PHF19: variants seen among roughly 807,000 people sequenced by gnomAD.
PHF19 encodes the protein PHD finger protein 19.
PHF19 carries 21 observed loss-of-function variants against 79.8 expected under a neutral mutation model. The ratio of observed to expected loss-of-function variants is 0.26; its 90% CI spans 0.19 to 0.38. PHF19 has a LOEUF of 0.38. Ranked by LOEUF, PHF19 falls within the 10% of genes least tolerant of loss-of-function variation. The probability of loss-of-function intolerance (pLI) is 1.00; values close to 1 mark genes in which losing one functional copy is unlikely to be tolerated. For synonymous variants in PHF19, 273 were observed against 296.3 expected (o/e 0.92, Z 0.81); for missense variants, 445 against 744.2 (o/e 0.60, Z 4.68).
At chr9:120,868,007 G>A (rs775014761) in intron 6 of PHF19, among the ~76,000 whole-genome samples, 6 of 152,116 alleles carry the variant, frequency 3.9e-5, no homozygotes, top group Non-Finnish European at 7.4e-5. Flanking sequence ...CAGTGGCCCC[G>A]ACATAGCATG....
At chr9:120,864,193 C>G (rs1178630894) in intron 9 of PHF19, 77 bp from the exon 10 acceptor site, 3 of 1,173,490 alleles carry the variant, frequency 2.6e-6, no homozygotes, top group Non-Finnish European at 2.5e-6. Flanking sequence ...TACTCCCTCC[C>G]TTCCATCTCC....
chr9:120,870,305 G>A lies in PHF19; in HGVS notation c.364+138C>T, dbSNP rs140306501. ...CCCAAGCCCTCACTTACAGCAACTG[G>A]CCCCCTTTCACCCTGCAGTGCCAAG... On this transcript the variant is annotated intron_variant, in intron 4 of 14. Coordinates refer to ENST00000373896, the MANE Select transcript of PHF19 (RefSeq NM_015651.3). The surrounding 1 kb of genome is among the most constrained non-coding windows in gnomAD (Gnocchi z 4.4). 4.7e-5 allele frequency: 32 copies of A among 678,208 alleles called. No individual in the cohort carries two copies. In the African/African-American group the frequency reaches 5.2e-4, roughly 11 times the overall value. 42.0% of individuals were successfully genotyped at this position (678,208 alleles called of 1,614,324 possible). A position where few individuals can be genotyped will look rare whatever the true frequency, so the allele number is the denominator to read the frequency against.
At chr9:120,896,688 C>T (rs1381112690), upstream of PHF19, among the ~76,000 whole-genome samples, 2 of 151,862 alleles carry the variant, frequency 1.3e-5, no homozygotes, top group Non-Finnish European at 2.9e-5. Flanking sequence ...CTCCTGACCT[C>T]GTGATCCGCC....
upstream of PHF19, chr9:120,877,291 A>G: frequency 1.1e-6 from 1 of 951,542 alleles, no homozygotes; most frequent in Non-Finnish European, 1.2e-6. Context: ...CGGGGCGCTC[A>G]GGAAGGGGCC....
Position 120,890,141 on chromosome 9 carries a change from G to T in PHF19, c.42+4647C>A, listed in dbSNP as rs139131161. Among the ~76,000 whole-genome samples, 1,116 of 152,328 alleles carry T rather than the reference G, an allele frequency of 7.3e-3. 12 individuals are homozygous for T. Among genetic ancestry groups the T allele is most frequent in the African/African-American group, 0.026 (1,062 of 41,578 alleles). Reference sequence around the variant, plus strand: ...CCCAGTAAATGTCCCATAAGTGTTTGCTGAGTGAATAGATAAACAAGTGAT... The same window carrying T: ...CCCAGTAAATGTCCCATAAGTGTTTTCTGAGTGAATAGATAAACAAGTGAT... On this transcript the variant is annotated intron_variant, in intron 1 of 14. Transcript: ENST00000616568.
At chr9:120,886,874 C>T (rs1192743640) in intron 1 of PHF19, among the ~76,000 whole-genome samples, 1 of 152,102 alleles carries the variant, frequency 6.6e-6, no homozygotes, top group Non-Finnish European at 1.5e-5. Context: ...TCGAGACCAG[C>T]CTGGCCAGTA....
Position 120,869,528 on chromosome 9 carries a change from C to G in PHF19, c.466-198G>C. On this transcript the variant is annotated intron_variant, in intron 5 of 14. Transcript: ENST00000373896. The surrounding 1 kb of genome is among the most constrained non-coding windows in gnomAD (Gnocchi z 5.8). ...ATCCCAGAAGGAACTCCGTTGATAA[C>G]AGAATTAAGAGTAATAAGCGCAATA... The G allele has an allele frequency of 7.1e-7, 1 of 1,403,898 alleles. No individual in the cohort carries two copies. The highest frequency in any genetic ancestry group is 9.4e-7 in the Non-Finnish European group (1 of 1,066,714). The allele number at this position is 1,403,898 out of a possible 1,614,324, so 87.0% of individuals were successfully genotyped here.
intron 12 of PHF19, among the ~76,000 whole-genome samples, 175 bp from the exon 13 acceptor site, chr9:120,861,349 C>T (rs2045518815): frequency 1.3e-5 from 2 of 152,230 alleles, no homozygotes; most frequent in Non-Finnish European, 2.9e-5. Context: ...AGTTCTAGCC[C>T]TGCCTTTGTC....
In PHF19 at chr9:120,857,867, T is replaced by C; in HGVS notation, c.*77A>G. 1 of 846,746 alleles carries C rather than the reference T, an allele frequency of 1.2e-6. No homozygotes were observed. Among genetic ancestry groups the C allele is most frequent in the Non-Finnish European group, 1.8e-6 (1 of 551,588 alleles). 52.5% of individuals were successfully genotyped at this position (846,746 alleles called of 1,614,324 possible). A position where few individuals can be genotyped will look rare whatever the true frequency, so the allele number is the denominator to read the frequency against. ...CCTGCTTCCTTCTCCCACCCCAGCCTGGAGAAAGCTGGGGAGCCTATGGCT... is the reference window on the plus strand; with the variant it reads ...CCTGCTTCCTTCTCCCACCCCAGCCCGGAGAAAGCTGGGGAGCCTATGGCT... On this transcript the variant is annotated 3_prime_UTR_variant, in exon 15 of 15. Transcript: ENST00000373896.
chr9:120,877,418 C>G (rs1338197665), upstream of PHF19: 1 of 948,280 alleles, frequency 1.1e-6, no homozygotes, highest in Non-Finnish European at 1.3e-6. Flanking sequence ...CGCCGGGCTC[C>G]GCAGCGCCGC....
chr9:120,895,026 G>T (rs200573009), upstream of PHF19: 84 of 370,818 alleles, frequency 2.3e-4, 1 homozygote, highest in East Asian at 3.3e-3. Context: ...CCCAGTCCCA[G>T]ATCCCCGACT....
chr9:120,867,321 G>C (rs535191200), intron 6 of PHF19, among the ~76,000 whole-genome samples: 1 of 152,342 alleles, frequency 6.6e-6, no homozygotes, highest in Admixed American at 6.5e-5. Context: ...TTCTGGACTT[G>C]CTGCTTCCCA....
upstream of PHF19, among the ~76,000 whole-genome samples, chr9:120,898,681 CT>C (rs1341948647): frequency 1.3e-5 from 2 of 152,222 alleles, no homozygotes; most frequent in Non-Finnish European, 2.9e-5. Context: ...GGGTTTGAAC[CT>C]GGCATAAACT....
intron 1 of PHF19, among the ~76,000 whole-genome samples, chr9:120,885,592 A>G (rs2046252082): frequency 6.6e-6 from 1 of 151,454 alleles, no homozygotes; most frequent in African/African-American, 2.4e-5. Context: ...AAAAAAAAAA[A>G]AAAACAAAGC....
At position 120,861,132 on chromosome 9, in the gene PHF19, T is replaced by C. The variant is rs1182850307; in HGVS notation, c.1261A>G (p.Ser421Gly). The C allele has an allele frequency of 3.1e-6, 5 of 1,611,780 alleles. No individual in the cohort carries two copies. Among genetic ancestry groups the C allele is most frequent in the Non-Finnish European group, 3.4e-6 (4 of 1,177,864 alleles). Residue 421 changes from serine to glycine, a missense_variant, in exon 13 of 15, where the codon AGC (serine) becomes GGC (glycine). By Grantham distance (56) the Ser-to-Gly change is moderately conservative (BLOSUM62 0). Coordinates refer to ENST00000373896, the MANE Select transcript of PHF19 (RefSeq NM_015651.3). Reference protein sequence around the residue: ...SAWSTNHHLASIFDFTLDEIQ... With the variant: ...SAWSTNHHLAGIFDFTLDEIQ... ...TCATCCAGCGTGAAGTCAAATATGC[T>C]AGCCAGGTGGTGGTTGGTGCTCCAG...
At position 120,874,574 on chromosome 9, in the gene PHF19, G is replaced by A. The variant is rs914197087; in HGVS notation, c.168C>T (p.Tyr56=). The change falls in exon 2 of 15, where the codon TAC becomes TAT. Residue 56 remains tyrosine (Y), a synonymous_variant. Transcript: ENST00000373896. This position sits in a 1 kb window ranked among gnomAD's most constrained non-coding sequence, Gnocchi z 4.5. ...GGTTTACCCTCTTGATCTTCCCGAG[G>A]TAGTACAGGCCATCTGTCCACCGGC... ...VLCRWTDGLY[Y]LGKIKRVSSS... is the part of the protein sequence containing the mutation. The A allele has an allele frequency of 1.2e-6, 2 of 1,610,864 alleles. No homozygotes were observed. Among genetic ancestry groups the A allele is most frequent in the African/African-American group, 1.3e-5 (1 of 74,864 alleles).
At chr9:120,902,889 G>A in the PHF19 span, 2 of 152,338 alleles carry the variant, frequency 1.3e-5, no homozygotes, top group Non-Finnish European at 2.9e-5. Context: ...ACAGGTGCAG[G>A]TGTCAATGAA....
Position 120,860,363 on chromosome 9 carries a change from G to A in PHF19, c.1305-178C>T, listed in dbSNP as rs1588089219. 1.7e-6 allele frequency: 1 copy of A among 579,960 alleles called. No homozygotes were observed. Among genetic ancestry groups the A allele is most frequent in the Non-Finnish European group, 3.1e-6 (1 of 322,486 alleles). The allele number at this position is 579,960 out of a possible 1,614,324, so 35.9% of individuals were successfully genotyped here. A position where few individuals can be genotyped will look rare whatever the true frequency, so the allele number is the denominator to read the frequency against. On this transcript the variant is annotated intron_variant, in intron 13 of 14. Transcript: ENST00000373896. The surrounding 1 kb of genome is among the most constrained non-coding windows in gnomAD (Gnocchi z 4.1). The stretch of plus-strand genomic sequence containing the variant: ...TACCCAGCCACCCTTCAAAGTCCAA[G>A]AAGTCAAAAAAACCTCCTGGAGCAC...
chr9:120,866,770 CTT>C lies in PHF19; in HGVS notation c.710+98_710+99del, dbSNP rs2045715416. ...AGGCATACATTGTCACAGACCTCCT[CTT>C]GTCTGGAGCCTGGCAGTCAACCTGC... On this transcript the variant is annotated intron_variant, in intron 7 of 14. Transcript: ENST00000373896. This position sits in a 1 kb window ranked among gnomAD's most constrained non-coding sequence, Gnocchi z 5.2. 1 of 727,498 alleles carries C rather than the reference CTT, an allele frequency of 1.4e-6. No homozygotes were observed. Among genetic ancestry groups the C allele is most frequent in the African/African-American group, 1.7e-5 (1 of 58,078 alleles). The allele number at this position is 727,498 out of a possible 1,614,324, so 45.1% of individuals were successfully genotyped here. A position where few individuals can be genotyped will look rare whatever the true frequency, so the allele number is the denominator to read the frequency against.
Sources: gnomAD v4.1 joint callset for allele counts (sites outside exome capture counted in the v4.1 genomes callset) on GRCh38, gnomAD v4.1.1 for gene constraint, Gnocchi (gnomAD v3.1) non-coding constraint, MANE v1.5 for transcripts, NCBI Gene and HGNC (gene_info 2026-07-23, HGNC 2026-07-21) for gene names.